The following FBXL4 variants were observed in gnomAD, a reference collection of about 807,000 sequenced individuals.
FBXL4 encodes F-box and leucine rich repeat protein 4.
FBXL4 carries 40 observed loss-of-function variants against 58.9 expected under a neutral mutation model. The observed-to-expected ratio is 0.68, with a 90% CI of 0.53 to 0.88. The LOEUF (loss-of-function observed/expected upper bound fraction) is 0.88. FBXL4 is among the 40% of genes least tolerant of loss of function. FBXL4 has a pLI of 0.00. For missense variants in FBXL4, 676 were observed against 734.4 expected (o/e 0.92, Z 0.92); for synonymous variants, 263 against 265.5 (o/e 0.99, Z 0.09).
chr6:98,911,369 C>A (rs1037557831), intron 5 of FBXL4, among the ~76,000 whole-genome samples: 23 of 152,184 alleles, frequency 1.5e-4, no homozygotes, highest in Non-Finnish European at 2.9e-4. Context: ...AACGGGCAGA[C>A]TGCCTCCTCA....
rs946801705 is a variant in FBXL4, at chr6:98,947,527, G to A, written c.-309+279C>T. Among the ~76,000 whole-genome samples the A allele has an allele frequency of 2.6e-5, 4 of 152,236 alleles. No individual in the cohort carries two copies. In the East Asian group the frequency reaches 7.7e-4, roughly 29 times the overall value. ...GTAAACAACCCTGAGCCGCGCACAC[G>A]TCCGAACGACGCCTCACAGCCTGCA... On this transcript the variant is annotated intron_variant, in intron 1 of 9. Coordinates refer to ENST00000369244, the MANE Select transcript of FBXL4 (RefSeq NM_001278716.2).
At chr6:98,932,458 TTAAA>T in intron 2 of FBXL4, among the ~76,000 whole-genome samples, 1 of 152,186 alleles carries the variant, frequency 6.6e-6, no homozygotes, top group African/African-American at 2.4e-5. Context: ...CTTAACGAAG[TTAAA>T]TAATACAATT....
intron 5 of FBXL4, among the ~76,000 whole-genome samples, chr6:98,910,448 TCGAGACAATA>T (rs779488817): frequency 1.1e-3 from 160 of 152,014 alleles, no homozygotes; most frequent in Non-Finnish European, 4.9e-4. Context: ...GGTCAGGAGA[TCGAGACAATA>T]CTGGCTAACA....
At chr6:98,910,375 C>G (rs879701602) in intron 5 of FBXL4, among the ~76,000 whole-genome samples, 1 of 152,102 alleles carries the variant, frequency 6.6e-6, no homozygotes, top group Admixed American at 6.5e-5. Context: ...AATTCCAGGC[C>G]GGGCACGGTG....
In FBXL4 at chr6:98,905,644, A is replaced by G; in HGVS notation, c.885T>C (p.Leu295=). The G allele has an allele frequency of 1.2e-6, 2 of 1,613,872 alleles. No individual in the cohort carries two copies. The highest frequency in any genetic ancestry group is 2.2e-5 in the South Asian group (2 of 91,068). Reference sequence around the variant, plus strand: ...CTAATCTACACAGGTCTGGTAGTGTAAGATGATTCAGAATCAGCTGAATAA... The same window carrying G: ...CTAATCTACACAGGTCTGGTAGTGTGAGATGATTCAGAATCAGCTGAATAA... The part of the protein sequence containing the change: ...YELIQLILNH[L]TLPDLCRLAQ... Residue 295 remains leucine (L), a synonymous_variant, in exon 6 of 10, where the codon CTT becomes CTC. Transcript: ENST00000369244.
chr6:98,946,351 A>G (rs1485511280), intron 1 of FBXL4, among the ~76,000 whole-genome samples: 1 of 152,242 alleles, frequency 6.6e-6, no homozygotes, highest in African/African-American at 2.4e-5. Flanking sequence ...AAATAAGATC[A>G]TTAACAATAC....
At chr6:98,922,955 C>T (rs1216306344) in intron 4 of FBXL4, among the ~76,000 whole-genome samples, 1 of 152,192 alleles carries the variant, frequency 6.6e-6, no homozygotes, top group Admixed American at 6.5e-5. Context: ...ACTCCATTCA[C>T]ATGCACATCC....
chr6:98,880,756 TC>T, intron 7 of FBXL4, 132 bp from the exon 8 acceptor site: 1 of 715,662 alleles, frequency 1.4e-6, no homozygotes, highest in Non-Finnish European at 2.4e-6. Flanking sequence ...GGTTACAGAG[TC>T]CACAAATGCC....
At chr6:98,876,411 G>T (rs1293862080) in intron 8 of FBXL4, among the ~76,000 whole-genome samples, 1 of 152,080 alleles carries the variant, frequency 6.6e-6, no homozygotes, top group Non-Finnish European at 1.5e-5. Flanking sequence ...TATTTTAAGA[G>T]GTTCATTTGA....
intron 1 of FBXL4, among the ~76,000 whole-genome samples, chr6:98,936,782 A>G (rs1773235919): frequency 6.6e-6 from 1 of 152,216 alleles, no homozygotes; most frequent in South Asian, 2.1e-4. Context: ...GGAGTAAAAA[A>G]TTATAGCTGG....
chr6:98,905,389 G>T (rs764180868), intron 6 of FBXL4, 37 bp downstream of exon 6: 17 of 1,601,178 alleles, frequency 1.1e-5, no homozygotes, highest in African/African-American at 2.7e-5. Flanking sequence ...ACCTGCTGCT[G>T]GGGGGGAAAA....
chr6:98,900,234 A>T (rs150986891), intron 6 of FBXL4, among the ~76,000 whole-genome samples: 2 of 152,338 alleles, frequency 1.3e-5, no homozygotes, highest in Non-Finnish European at 2.9e-5. Context: ...TGAATCTAGG[A>T]GTATTTGAAT....
chr6:98,894,452 G>A (rs1037954653), intron 7 of FBXL4, among the ~76,000 whole-genome samples: 1 of 151,996 alleles, frequency 6.6e-6, no homozygotes, highest in African/African-American at 2.4e-5. Flanking sequence ...CCAAATTCAG[G>A]AGGAAAAAAA....
intron 4 of FBXL4, among the ~76,000 whole-genome samples, chr6:98,919,325 C>G (rs1405231081): frequency 6.6e-6 from 1 of 152,116 alleles, no homozygotes; most frequent in Non-Finnish European, 1.5e-5. Flanking sequence ...TTTCTAGAAC[C>G]TTTAAAATCC....
intron 7 of FBXL4, 188 bp downstream of exon 7, chr6:98,899,080 T>C (rs1771509382): frequency 1.0e-6 from 1 of 985,202 alleles, no homozygotes; most frequent in Admixed American, 6.1e-5. Context: ...TTCCTTATAA[T>C]TTAAAAGCAT....
chr6:98,944,345 A>C (rs1342984179), intron 1 of FBXL4, among the ~76,000 whole-genome samples: 4 of 152,234 alleles, frequency 2.6e-5, no homozygotes, highest in African/African-American at 9.6e-5. Context: ...ACAATATGTA[A>C]AGAGCTATTA....
Position 98,868,602 on chromosome 6 carries a change from A to G in FBXL4, c.*5676T>C, listed in dbSNP as rs1360441434. On this transcript the variant is annotated 3_prime_UTR_variant, in exon 10 of 10. Coordinates refer to ENST00000369244, the MANE Select transcript of FBXL4 (RefSeq NM_001278716.2). ...ATACAAACAACAGAAATCATTAGATATTGAACAGCATTTTTATGTAAATAA... is the reference window on the plus strand; with the variant it reads ...ATACAAACAACAGAAATCATTAGATGTTGAACAGCATTTTTATGTAAATAA... 1 of 152,170 alleles carries G rather than the reference A, an allele frequency of 6.6e-6. No homozygotes were observed. The highest frequency in any genetic ancestry group is 2.4e-5 in the African/African-American group (1 of 41,454). The allele number at this position is 152,170 out of a possible 1,614,324, so 9.4% of individuals were successfully genotyped here.
chr6:98,901,343 T>C (rs879552487), intron 6 of FBXL4, among the ~76,000 whole-genome samples: 1 of 151,360 alleles, frequency 6.6e-6, no homozygotes, highest in South Asian at 2.1e-4. Context: ...ACAAGCAGAG[T>C]GAAGAACAGT....
chr6:98,888,169 T>C (rs1242367052), intron 7 of FBXL4, among the ~76,000 whole-genome samples: 1 of 151,886 alleles, frequency 6.6e-6, no homozygotes, highest in Non-Finnish European at 1.5e-5. Context: ...GGAGCAGGAG[T>C]TGGCAAACTA....
Sources: gnomAD v4.1 joint callset for allele counts (sites outside exome capture counted in the v4.1 genomes callset) on GRCh38, gnomAD v4.1.1 for gene constraint, MANE v1.5 for transcripts, NCBI Gene and HGNC (gene_info 2026-07-23, HGNC 2026-07-21) for gene names.